AOPEP: variants seen among roughly 807,000 people sequenced by gnomAD.
AOPEP encodes the protein aminopeptidase O.
In AOPEP, 77 loss-of-function variants were observed where a neutral mutation model predicts 98.1. The observed-to-expected ratio is 0.78, with a 90% CI of 0.65 to 0.95. The LOEUF is 0.95. Among genes scored for constraint, AOPEP ranks in the 40% least tolerant of loss-of-function variants. The probability of loss-of-function intolerance (pLI) is 0.00; values close to 1 mark genes in which losing one functional copy is unlikely to be tolerated. For synonymous variants in AOPEP, 346 were observed against 365.3 expected (o/e 0.95, Z 0.60); for missense variants, 1,024 against 1,024.7 (o/e 1.00, Z 0.01).
the AOPEP span, chr9:95,135,379 T>C: frequency 6.2e-7 from 1 of 1,614,122 alleles, no homozygotes; most frequent in Non-Finnish European, 8.5e-7. Context: ...ATTCGATCCT[T>C]CTCAGACAAT....
At chr9:94,766,261 C>T (rs557829701) in intron 2 of AOPEP, among the ~76,000 whole-genome samples, 5 of 152,194 alleles carry the variant, frequency 3.3e-5, no homozygotes, top group South Asian at 2.1e-4. Context: ...AGCATTGGCC[C>T]GGTGCAGCGG....
At chr9:94,779,708 TTAA>T (rs1842883441) in intron 3 of AOPEP, among the ~76,000 whole-genome samples, 1 of 151,722 alleles carries the variant, frequency 6.6e-6, no homozygotes, top group South Asian at 2.1e-4. Context: ...AATATAAATA[TTAA>T]TATTTTGCTG....
chr9:94,951,022 G>A (rs1589050497), intron 7 of AOPEP, among the ~76,000 whole-genome samples: 1 of 152,366 alleles, frequency 6.6e-6, no homozygotes, highest in African/African-American at 2.4e-5. Context: ...CTCTGTGGTT[G>A]TGGTGGAAAA....
chr9:94,935,174 T>C (rs2056063742), intron 7 of AOPEP: 1 of 152,076 alleles, frequency 6.6e-6, no homozygotes, highest in Admixed American at 6.6e-5. Flanking sequence ...TATTTAAAAG[T>C]GTGTGGCACC....
At position 95,060,675 on chromosome 9, in the gene AOPEP, T is replaced by A; in HGVS notation, c.2116-19T>A. On this transcript the variant is annotated intron_variant, in intron 13 of 16. Transcript: ENST00000375315. ...TCAACTGAATGGCATTTTCATAGGC[T>A]GTTTGGTTTTGTCTTTAGCTTCTTC... The A allele has an allele frequency of 6.7e-7, 1 of 1,497,876 alleles. No homozygotes were observed. The highest frequency in any genetic ancestry group is 9.3e-7 in the Non-Finnish European group (1 of 1,073,850). 92.8% of individuals were successfully genotyped at this position (1,497,876 alleles called of 1,614,324 possible).
intron 13 of AOPEP, among the ~76,000 whole-genome samples, chr9:95,059,954 C>T (rs549417826): frequency 3.9e-4 from 59 of 152,348 alleles, no homozygotes; most frequent in African/African-American, 1.4e-3. Flanking sequence ...TGAAGTCTTA[C>T]ACATGCTTCT....
In AOPEP at chr9:94,819,698, G is replaced by A. The variant is rs78928053; in HGVS notation, c.1364+18696G>A. 6.9e-4 allele frequency among the ~76,000 whole-genome samples: 105 copies of A among 151,566 alleles called. 2 individuals carry two copies. In the East Asian group the frequency reaches 0.019, roughly 27 times the overall value. On this transcript the variant is annotated intron_variant, in intron 5 of 16. Transcript: ENST00000375315. ...CAATCAGTCCTCCTCAGCCTCCTGCGTAGCTGGGACTACAGGCATGTGCCA... is the reference window on the plus strand; with the variant it reads ...CAATCAGTCCTCCTCAGCCTCCTGCATAGCTGGGACTACAGGCATGTGCCA...
chr9:95,134,891 A>G, the AOPEP span, among the ~76,000 whole-genome samples: 1 of 152,362 alleles, frequency 6.6e-6, no homozygotes, highest in African/African-American at 2.4e-5. Context: ...GAAAACTTAC[A>G]GAAGTCTTAG....
At chr9:95,124,374 G>T in the AOPEP span, among the ~76,000 whole-genome samples, 3 of 152,162 alleles carry the variant, frequency 2.0e-5, no homozygotes, top group Admixed American at 2.0e-4. Context: ...AAAGGTGAAA[G>T]CTCGCTGGTA....
intron 11 of AOPEP, chr9:95,004,381 G>A (rs2061771153): frequency 4.7e-6 from 2 of 428,394 alleles, no homozygotes; most frequent in African/African-American, 2.0e-5. Context: ...CAGTCTGAGG[G>A]CTGCGGGTCC....
At chr9:94,988,361 C>T (rs1037644616) in intron 11 of AOPEP, among the ~76,000 whole-genome samples, 7 of 151,992 alleles carry the variant, frequency 4.6e-5, no homozygotes, top group East Asian at 1.9e-4. Flanking sequence ...TCGGATTAGA[C>T]GTACATTTTT....
intron 5 of AOPEP, among the ~76,000 whole-genome samples, chr9:94,914,172 G>A (rs2052466916): frequency 6.6e-6 from 1 of 152,204 alleles, no homozygotes; most frequent in Non-Finnish European, 1.5e-5. Context: ...AGACATGGAT[G>A]TAAGAAATAT....
Position 94,861,124 on chromosome 9 carries a change from G to T in AOPEP, c.1364+60122G>T, listed in dbSNP as rs764837092. Among the ~76,000 whole-genome samples, 3 of 152,308 alleles carry T rather than the reference G, an allele frequency of 2.0e-5. No individual in the cohort carries two copies. The South Asian group carries it at 6.2e-4, about 32-fold the overall frequency. The stretch of plus-strand genomic sequence containing the variant: ...AGAGGGGCTGATGAACCAGAACTCT[G>T]CATATGGATGGCAGTTTCTGGTGGA... On this transcript the variant is annotated intron_variant, in intron 5 of 16. Transcript: ENST00000375315.
chr9:94,950,488 T>C (rs1197717016), intron 7 of AOPEP, among the ~76,000 whole-genome samples: 2 of 152,174 alleles, frequency 1.3e-5, no homozygotes, highest in Non-Finnish European at 2.9e-5. Flanking sequence ...GTGGTCATGC[T>C]CCTTCCCCTG....
Position 94,928,431 on chromosome 9 carries a change from C to G in AOPEP, c.1561C>G (p.Pro521Ala). 1 of 1,547,570 alleles carries G rather than the reference C, an allele frequency of 6.5e-7. No homozygotes were observed. The highest frequency in any genetic ancestry group is 8.7e-7 in the Non-Finnish European group (1 of 1,146,788). The change falls in exon 7 of 17, where the codon CCC (proline) becomes GCC (alanine). Residue 521 changes from proline to alanine, a missense_variant. Coordinates refer to ENST00000375315, the MANE Select transcript of AOPEP (RefSeq NM_001193329.3). ...TGTGTCTGTGGCTGAGCAGCTGGCCCCCTATGAGGCCCGGGAGCAGCAGGA... is the reference window on the plus strand; with the variant it reads ...TGTGTCTGTGGCTGAGCAGCTGGCCGCCTATGAGGCCCGGGAGCAGCAGGA... The part of the protein sequence containing the change: ...VFWATAQQLA[P>A]YEAREQQELR...
At chr9:94,949,775 G>A (rs950887386) in intron 7 of AOPEP, among the ~76,000 whole-genome samples, 17 of 152,198 alleles carry the variant, frequency 1.1e-4, no homozygotes, top group Admixed American at 8.5e-4. Context: ...AATTGTCACC[G>A]AAAACAAACA....
the AOPEP span, among the ~76,000 whole-genome samples, chr9:95,136,261 G>C: frequency 2.0e-4 from 31 of 151,982 alleles, 1 homozygote; most frequent in South Asian, 6.5e-3. Context: ...AGCCTGGCAT[G>C]GTGATAGCAC....
At chr9:94,834,423 GGATA>G (rs2041294886) in intron 5 of AOPEP, among the ~76,000 whole-genome samples, 1 of 152,142 alleles carries the variant, frequency 6.6e-6, no homozygotes, top group South Asian at 2.1e-4. Context: ...AACACTGACT[GGATA>G]GTTAGTGATA....
chr9:95,069,127 A>G (rs574658768), intron 14 of AOPEP, among the ~76,000 whole-genome samples: 67 of 152,254 alleles, frequency 4.4e-4, no homozygotes, highest in African/African-American at 1.5e-3. Context: ...GTGCTTATCT[A>G]TTTTAGTCAC....
Sources: allele counts gnomAD v4.1 joint callset (sites outside exome capture counted in the v4.1 genomes callset), GRCh38; gene constraint gnomAD v4.1.1; transcripts MANE v1.5; gene names NCBI Gene and HGNC (gene_info 2026-07-23, HGNC 2026-07-21).